Variants in CPA5 observed in about 807,000 individuals in gnomAD.
The protein encoded by CPA5 is testicular tissue protein Li 32.
Under a neutral mutation model 52.2 loss-of-function variants are expected in CPA5, and 38 were observed. The observed-to-expected ratio is 0.73, with a 90% confidence interval of 0.56 to 0.95. The LOEUF (loss-of-function observed/expected upper bound fraction) is 0.95. Among genes scored for constraint, CPA5 ranks in the 40% least tolerant of loss-of-function variants. The pLI is 0.00. For synonymous variants in CPA5, 198 were observed against 213.7 expected (o/e 0.93, Z 0.64); for missense variants, 519 against 566.7 (o/e 0.92, Z 0.86).
intron 6 of CPA5, 51 bp downstream of exon 6, chr7:130,359,738 A>G (rs1795691507): frequency 1.5e-6 from 2 of 1,325,544 alleles, no homozygotes; most frequent in Non-Finnish European, 1.1e-6. Context: ...TGGGCCCCTT[A>G]GGGTCTCCTG....
chr7:130,367,956 C>G lies in CPA5; in HGVS notation c.1089C>G (p.Ile363Met). The change falls in exon 12 of 13, where the codon ATC (isoleucine) becomes ATG (methionine). Residue 363 changes from isoleucine to methionine, a missense_variant. Physicochemically the swap from Ile to Met is conservative, Grantham distance 10 (BLOSUM62 1). Coordinates refer to ENST00000474905, the MANE Select transcript of CPA5 (RefSeq NM_080385.5). ...AGGCCTTGTATAAGGTCCATGGGAT[C>G]GAGTACATTTTTGGCAGCATCAGCA... Reference protein sequence around the residue: ...AVEALYKVHGIEYIFGSISTT... With the variant: ...AVEALYKVHGMEYIFGSISTT... 1 of 1,614,198 alleles carries G rather than the reference C, an allele frequency of 6.2e-7. No individual in the cohort carries two copies. Among genetic ancestry groups the G allele is most frequent in the East Asian group, 2.2e-5 (1 of 44,882 alleles).
chr7:130,346,580 T>G lies in CPA5; in HGVS notation c.95T>G (p.Leu32Trp), dbSNP rs782462133. Residue 32 changes from leucine to tryptophan, a missense_variant, in exon 3 of 13, where the codon TTG becomes TGG. By Grantham distance (61) the Leu-to-Trp change is moderately conservative. Coordinates refer to ENST00000474905, the MANE Select transcript of CPA5 (RefSeq NM_080385.5). ...TTCAGCTTTATCCTGGCAGCAGCTT[T>G]GGGCCAAATGAATTTCACAGGGTGA... ...LVFSFILAAALGQMNFTGDQV... is the reference protein window; with the variant it reads ...LVFSFILAAAWGQMNFTGDQV... 19 of 1,613,838 alleles carry G rather than the reference T, an allele frequency of 1.2e-5. No individual in the cohort carries two copies. Among genetic ancestry groups the G allele is most frequent in the Admixed American group, 3.3e-5 (2 of 59,996 alleles).
At chr7:130,353,472 TG>T (rs1562951636) in intron 5 of CPA5, among the ~76,000 whole-genome samples, 1 of 152,188 alleles carries the variant, frequency 6.6e-6, no homozygotes, top group African/African-American at 2.4e-5. Flanking sequence ...TGTTTCCACC[TG>T]GGGGTGCAAT....
At chr7:130,367,336 G>T (rs1554408658) in intron 10 of CPA5, 36 bp from the exon 11 acceptor site, 1 of 1,596,722 alleles carries the variant, frequency 6.3e-7, no homozygotes, top group Non-Finnish European at 8.6e-7. Flanking sequence ...CGCACGTGGG[G>T]ATTTGACTCT....
intron 5 of CPA5, among the ~76,000 whole-genome samples, chr7:130,354,994 A>C (rs1352675458): frequency 6.6e-6 from 1 of 152,098 alleles, no homozygotes; most frequent in Non-Finnish European, 1.5e-5. Context: ...ATTGCAGGAG[A>C]AGCCAGGGAA....
chr7:130,369,951 TA>T (rs1796277021), downstream of CPA5, among the ~76,000 whole-genome samples: 1 of 152,154 alleles, frequency 6.6e-6, no homozygotes, highest in Non-Finnish European at 1.5e-5. Flanking sequence ...AAACCCCAAG[TA>T]AGGTTCATAT....
chr7:130,366,892 C>T (rs1397558120), intron 10 of CPA5, among the ~76,000 whole-genome samples: 4 of 152,192 alleles, frequency 2.6e-5, no homozygotes, highest in East Asian at 1.9e-4. Flanking sequence ...CAGGACAAGC[C>T]GAGGGGGCTC....
chr7:130,364,998 C>T (rs1240509725), intron 10 of CPA5, among the ~76,000 whole-genome samples: 1 of 152,226 alleles, frequency 6.6e-6, no homozygotes, highest in Non-Finnish European at 1.5e-5. Flanking sequence ...GGGTTTGGCT[C>T]CACAGGGGAC....
chr7:130,354,117 G>A (rs1455905764), intron 5 of CPA5, among the ~76,000 whole-genome samples: 2 of 151,966 alleles, frequency 1.3e-5, no homozygotes, highest in Non-Finnish European at 2.9e-5. Context: ...TTGTAGAGAT[G>A]GGGTCTGATT....
chr7:130,370,058 G>C (rs1160261114), downstream of CPA5, among the ~76,000 whole-genome samples: 1 of 152,378 alleles, frequency 6.6e-6, no homozygotes, highest in African/African-American at 2.4e-5. Context: ...GCTGTGGAGA[G>C]CTCTGAGCAA....
At chr7:130,358,030 G>A (rs1339954345) in intron 5 of CPA5, among the ~76,000 whole-genome samples, 1 of 151,028 alleles carries the variant, frequency 6.6e-6, no homozygotes, top group Non-Finnish European at 1.5e-5. Flanking sequence ...CCAGCCTGGA[G>A]TACAGTGGTA....
intron 5 of CPA5, among the ~76,000 whole-genome samples, chr7:130,352,508 G>C (rs989343913): frequency 3.3e-5 from 5 of 151,974 alleles, no homozygotes; most frequent in Admixed American, 3.3e-4. Context: ...AGCAGGTGAG[G>C]GGGGGCTGGC....
chr7:130,367,733 C>A (rs782329781), intron 11 of CPA5, 162 bp downstream of exon 11: 2 of 855,170 alleles, frequency 2.3e-6, no homozygotes, highest in Middle Eastern at 3.4e-4. Flanking sequence ...GCTGTTCTCA[C>A]GTGTGATCAA....
rs1795032007 is a variant in CPA5, at chr7:130,350,022, G to A, written c.246G>A (p.Met82Ile). 1.9e-6 allele frequency: 3 copies of A among 1,614,088 alleles called. No individual in the cohort carries two copies. Among genetic ancestry groups the A allele is most frequent in the African/African-American group, 1.3e-5 (1 of 75,052 alleles). ...GPARPSLPVD[M>I]RVPFSELKDI... ...CCAGGCCCAGCCTCCCTGTGGATAT[G>A]AGAGTTCCTTTCTCTGAACTGAAAG... The change falls in exon 5 of 13, where the codon ATG (methionine) becomes ATA (isoleucine). Residue 82 changes from methionine (M) to isoleucine (I), a missense_variant. By Grantham distance (10) the Met-to-Ile change is conservative (BLOSUM62 1). Coordinates refer to ENST00000474905, the MANE Select transcript of CPA5 (RefSeq NM_080385.5).
At position 130,362,988 on chromosome 7, in the gene CPA5, C is replaced by A. The variant is rs191408239; in HGVS notation, c.741C>A (p.His247Gln). 1.6e-5 allele frequency: 25 copies of A among 1,600,964 alleles called. No individual in the cohort carries two copies. The African/African-American group carries it at 3.1e-4, about 20-fold the overall frequency. ...VTNPDGFAFT[H>Q]SMNRLWRKNK... ...ACCCTGATGGGTTTGCTTTTACCCA[C>A]AGCATGGTGAGGGAACCTGGGAAGG... The change falls in exon 9 of 13, where the codon CAC becomes CAA. Residue 247 changes from histidine to glutamine, a missense_variant. Physicochemically the swap from His to Gln is conservative, Grantham distance 24. Transcript: ENST00000474905.
chr7:130,351,512 C>T (rs1165897569), intron 5 of CPA5, among the ~76,000 whole-genome samples: 1 of 152,222 alleles, frequency 6.6e-6, no homozygotes, highest in Non-Finnish European at 1.5e-5. Context: ...CCCTCCCTCT[C>T]AGGAAAATGC....
At chr7:130,360,033 G>A (rs181948831) in intron 6 of CPA5, among the ~76,000 whole-genome samples, 15 of 152,274 alleles carry the variant, frequency 9.9e-5, no homozygotes, top group East Asian at 7.7e-4. Context: ...GAGCAGGAGC[G>A]TCGCCATCTT....
downstream of CPA5, chr7:130,368,771 G>A: frequency 1.6e-6 from 1 of 635,850 alleles, no homozygotes; most frequent in Non-Finnish European, 2.7e-6. Flanking sequence ...TATGGGCTCA[G>A]CACTGACAAG....
downstream of CPA5, among the ~76,000 whole-genome samples, chr7:130,370,287 AGAG>A (rs1796281695): frequency 6.6e-6 from 1 of 152,202 alleles, no homozygotes; most frequent in African/African-American, 2.4e-5. Flanking sequence ...AGCCAGCAGC[AGAG>A]GAGGAGAAAA....
Sources: allele counts gnomAD v4.1 joint callset (sites outside exome capture counted in the v4.1 genomes callset), GRCh38; gene constraint gnomAD v4.1.1; transcripts MANE v1.5; gene names NCBI Gene and HGNC (gene_info 2026-07-23, HGNC 2026-07-21).